The following STIL variants were observed in gnomAD, a reference collection of about 807,000 sequenced individuals.
STIL encodes the protein SCL-interrupting locus protein.
STIL carries 55 observed loss-of-function variants against 110.1 expected under a neutral mutation model. The observed-to-expected ratio is 0.50, with a 90% CI of 0.40 to 0.63. The LOEUF (loss-of-function observed/expected upper bound fraction) is 0.63. STIL is among the 20% of genes least tolerant of loss of function. The probability of loss-of-function intolerance (pLI) is 0.00; values close to 1 mark genes in which losing one functional copy is unlikely to be tolerated. For synonymous variants in STIL, 481 were observed against 530.0 expected (o/e 0.91, Z 1.27); for missense variants, 1,358 against 1,530.0 (o/e 0.89, Z 1.87).
At chr1:47,270,479 G>A (rs1030420034) in intron 13 of STIL, among the ~76,000 whole-genome samples, 4 of 151,770 alleles carry the variant, frequency 2.6e-5, no homozygotes, top group Non-Finnish European at 4.4e-5. Flanking sequence ...AATATGATCC[G>A]TGGGATGGGG....
At chr1:47,263,428 C>T (rs1483714454) in intron 14 of STIL, among the ~76,000 whole-genome samples, 1 of 152,134 alleles carries the variant, frequency 6.6e-6, no homozygotes, top group African/African-American at 2.4e-5. Context: ...ACCTGTAATC[C>T]TAGCTGCTCA....
chr1:47,267,299 A>T (rs1557716907), intron 14 of STIL, among the ~76,000 whole-genome samples: 1 of 152,156 alleles, frequency 6.6e-6, no homozygotes, highest in Admixed American at 6.6e-5. Flanking sequence ...AAATTCCATA[A>T]AGTTAGGAGC....
chr1:47,279,256 C>T (rs1412884839), intron 12 of STIL, among the ~76,000 whole-genome samples: 13 of 147,262 alleles, frequency 8.8e-5, no homozygotes, highest in Non-Finnish European at 3.0e-5. Flanking sequence ...GCACTCCAGC[C>T]TGGGCGACAG....
intron 2 of STIL, among the ~76,000 whole-genome samples, chr1:47,307,246 G>C (rs1343795338): frequency 6.6e-6 from 1 of 152,158 alleles, no homozygotes; most frequent in African/African-American, 2.4e-5. Flanking sequence ...GCTTGAATCA[G>C]TTGAGGTTGC....
rs767265695 is a variant in STIL, at chr1:47,269,786, T to C, written c.2464A>G (p.Ser822Gly). The C allele has an allele frequency of 6.8e-6, 11 of 1,614,230 alleles. No individual in the cohort carries two copies. The highest frequency in any genetic ancestry group is 9.3e-6 in the Non-Finnish European group (11 of 1,180,026). ...QMKQDDTKIS[S>G]EDMNFSVDIN... is the part of the protein sequence containing the mutation. Reference sequence around the variant, plus strand: ...TCGACAGAAAAATTCATGTCCTCACTGGAAATTTTGGTATCATCTTGCTTC... The same window carrying C: ...TCGACAGAAAAATTCATGTCCTCACCGGAAATTTTGGTATCATCTTGCTTC... The change falls in exon 14 of 17, where the codon AGT becomes GGT. Residue 822 changes from serine to glycine, a missense_variant. Transcript: ENST00000371877.
At chr1:47,290,561 G>C (rs1433900457) in intron 8 of STIL, among the ~76,000 whole-genome samples, 1 of 152,122 alleles carries the variant, frequency 6.6e-6, no homozygotes, top group Non-Finnish European at 1.5e-5. Flanking sequence ...ACATCAGCCA[G>C]GCATGGTGGC....
intron 1 of STIL, among the ~76,000 whole-genome samples, chr1:47,312,417 C>CAGG (rs1201726798): frequency 4.6e-5 from 7 of 152,032 alleles, no homozygotes; most frequent in Non-Finnish European, 1.0e-4. Context: ...TTCGTCACTG[C>CAGG]CCTCCAGCCT....
chr1:47,271,695 C>A (rs1644845293), intron 13 of STIL, among the ~76,000 whole-genome samples: 1 of 151,476 alleles, frequency 6.6e-6, no homozygotes, highest in South Asian at 2.1e-4. Context: ...AATCCCAACA[C>A]TTTGGGAGGC....
At chr1:47,295,325 A>G (rs1220467617) in intron 7 of STIL, among the ~76,000 whole-genome samples, 1 of 152,018 alleles carries the variant, frequency 6.6e-6, no homozygotes, top group Non-Finnish European at 1.5e-5. Context: ...CACACCTGTA[A>G]TCCAAGCACT....
At chr1:47,277,438 A>G (rs1205125739) in intron 12 of STIL, among the ~76,000 whole-genome samples, 2 of 152,192 alleles carry the variant, frequency 1.3e-5, no homozygotes. Context: ...CAAGAGTGCT[A>G]CAATCTGACC....
At chr1:47,276,576 G>C (rs1045569941) in intron 12 of STIL, among the ~76,000 whole-genome samples, 1 of 151,736 alleles carries the variant, frequency 6.6e-6, no homozygotes, top group Non-Finnish European at 1.5e-5. Flanking sequence ...GGGAGGCCGA[G>C]GCAGGTGGAT....
At chr1:47,309,842 G>C (rs376603223) in intron 2 of STIL, among the ~76,000 whole-genome samples, 1 of 152,174 alleles carries the variant, frequency 6.6e-6, no homozygotes, top group Non-Finnish European at 1.5e-5. Flanking sequence ...ATCAGTATTT[G>C]TAAGAGGGAA....
Position 47,304,893 on chromosome 1 carries a change from A to G in STIL, c.148T>C (p.Tyr50His). 6.2e-7 allele frequency: 1 copy of G among 1,605,056 alleles called. No individual in the cohort carries two copies. Among genetic ancestry groups the G allele is most frequent in the Non-Finnish European group, 8.5e-7 (1 of 1,171,754 alleles). ...GDFIYLHLSYYRNPKLVVTEK... is the reference protein window; with the variant it reads ...GDFIYLHLSYHRNPKLVVTEK... ...AAAAAAAGAAACATGTTATACCTGT[A>G]GTAACTGAGATGTAAGTAGATGAAA... Residue 50 changes from tyrosine to histidine, a missense_variant, in exon 3 of 17, where the codon TAC becomes CAC. Tyr to His is a moderately conservative substitution (Grantham distance 83). Transcript: ENST00000371877.
chr1:47,292,894 C>G (rs1018748493), intron 8 of STIL, among the ~76,000 whole-genome samples: 4 of 152,098 alleles, frequency 2.6e-5, no homozygotes, highest in African/African-American at 9.7e-5. Context: ...TAAAAATAGA[C>G]CTTCTCATTT....
At chr1:47,272,054 AT>A in intron 13 of STIL, 21 bp downstream of exon 13, 1 of 1,611,612 alleles carries the variant, frequency 6.2e-7, no homozygotes, top group Non-Finnish European at 8.5e-7. Flanking sequence ...TTCCTTACAA[AT>A]TAAAAAAAAA....
chr1:47,302,408 C>T (rs1435274578), intron 3 of STIL, 62 bp from the exon 4 acceptor site: 1 of 1,186,256 alleles, frequency 8.4e-7, no homozygotes, highest in Non-Finnish European at 1.3e-6. Context: ...AACCTCCTGC[C>T]ATAAAATGCT....
At chr1:47,278,797 C>A (rs1645062908) in intron 12 of STIL, among the ~76,000 whole-genome samples, 1 of 150,944 alleles carries the variant, frequency 6.6e-6, no homozygotes, top group Non-Finnish European at 1.5e-5. Flanking sequence ...AAGACCTTTT[C>A]TCTAAAAAAA....
At chr1:47,254,180 C>CAAAAAAAAAAAAAA (rs59259774) in intron 16 of STIL, among the ~76,000 whole-genome samples, 1 of 61,408 alleles carries the variant, frequency 1.6e-5, no homozygotes, top group African/African-American at 5.8e-5. Context: ...GACTCTGTCT[C>CAAAAAAAAAAAAAA]AAAAAAAAAA....
intron 12 of STIL, among the ~76,000 whole-genome samples, chr1:47,272,845 T>C (rs912781788): frequency 1.4e-4 from 22 of 152,226 alleles, no homozygotes; most frequent in African/African-American, 5.1e-4. Flanking sequence ...AAAAGTTAGA[T>C]TGGAGGTATA....
Sources: gnomAD v4.1 joint callset for allele counts (sites outside exome capture counted in the v4.1 genomes callset) on GRCh38, gnomAD v4.1.1 for gene constraint, MANE v1.5 for transcripts, NCBI Gene and HGNC (gene_info 2026-07-23, HGNC 2026-07-21) for gene names.